The following ADHFE1 variants were observed in gnomAD, a reference collection of about 807,000 sequenced individuals.
The protein encoded by ADHFE1 is alcohol dehydrogenase iron containing 1.
A neutral mutation model predicts 54.8 loss-of-function variants in ADHFE1; 37 were observed. The observed-to-expected ratio is 0.68, with a 90% CI of 0.52 to 0.89. The LOEUF is 0.89. ADHFE1 is among the 40% of genes least tolerant of loss of function. The probability of loss-of-function intolerance (pLI) is 0.00; values close to 1 mark genes in which losing one functional copy is unlikely to be tolerated. For synonymous variants in ADHFE1, 203 were observed against 229.3 expected, an observed-to-expected ratio of 0.89 and a Z score of 1.04; for missense variants, 601 against 591.2, an observed-to-expected ratio of 1.02 and a Z score of -0.17.
At chr8:66,444,789 G>T (rs1158263349) in intron 5 of ADHFE1, 41 bp downstream of exon 5, 3 of 1,608,618 alleles carry the variant, frequency 1.9e-6, no homozygotes, top group South Asian at 2.2e-5. Flanking sequence ...ACTTTAAGCA[G>T]AAGCTAACTG....
intron 13 of ADHFE1, among the ~76,000 whole-genome samples, chr8:66,463,387 A>T (rs1216773161): frequency 1.3e-5 from 2 of 152,216 alleles, no homozygotes; most frequent in Admixed American, 6.5e-5. Context: ...GATTTTCCTC[A>T]GGCTGTATTC....
chr8:66,452,990 A>G (rs1357603718), intron 9 of ADHFE1, among the ~76,000 whole-genome samples: 2 of 152,242 alleles, frequency 1.3e-5, no homozygotes, highest in African/African-American at 4.8e-5. Flanking sequence ...CCACTGACAA[A>G]GGAGCCTTGG....
In ADHFE1 at chr8:66,444,846, A is replaced by G; in HGVS notation, c.353+98A>G. On this transcript the variant is annotated intron_variant, in intron 5 of 13. Transcript: ENST00000396623. ...CCAGGCGTGGTGGCTCACGCCTGTA[A>G]TCCCAGCACTTTGGGAGGCTGAGGC... The G allele has an allele frequency of 1.5e-5, 22 of 1,437,364 alleles. No individual in the cohort carries two copies. The South Asian group carries it at 2.6e-4, about 17-fold the overall frequency. 89.0% of individuals were successfully genotyped at this position (1,437,364 alleles called of 1,614,324 possible).
chr8:66,453,742 G>C, intron 9 of ADHFE1: 2 of 1,382,242 alleles, frequency 1.4e-6, no homozygotes, highest in Non-Finnish European at 1.9e-6. Context: ...TGAAGAAGAA[G>C]AATGAGTCTC....
In ADHFE1 at chr8:66,448,857, T is replaced by C. The variant is rs781299907; in HGVS notation, c.629-8T>C. 3 of 1,612,454 alleles carry C rather than the reference T, an allele frequency of 1.9e-6. No individual in the cohort carries two copies. Among genetic ancestry groups the C allele is most frequent in the East Asian group, 2.2e-5 (1 of 44,860 alleles). ...CTTTAGCCTCTACTGAAAATCCTTA[T>C]GTTTTAGGCATCACTTCGAGAGCCA... On this transcript the variant is annotated splice_region_variant and splice_polypyrimidine_tract_variant and intron_variant, in intron 7 of 13. Coordinates refer to ENST00000396623, the MANE Select transcript of ADHFE1 (RefSeq NM_144650.3).
At chr8:66,433,055 G>A (rs1805283662) in intron 1 of ADHFE1, among the ~76,000 whole-genome samples, 1 of 152,182 alleles carries the variant, frequency 6.6e-6, no homozygotes, top group South Asian at 2.1e-4. Flanking sequence ...GTGTAGAAGG[G>A]AAGGATGGAT....
chr8:66,444,550 G>A, intron 4 of ADHFE1, 44 bp from the exon 5 acceptor site: 1 of 1,612,152 alleles, frequency 6.2e-7, no homozygotes, highest in South Asian at 1.1e-5. Flanking sequence ...AGAGTCTATT[G>A]CAGTTCTAGT....
At chr8:66,434,453 C>T (rs893869687) in intron 1 of ADHFE1, among the ~76,000 whole-genome samples, 10 of 152,184 alleles carry the variant, frequency 6.6e-5, no homozygotes, top group African/African-American at 2.4e-4. Context: ...GGGTGAATTC[C>T]TGGGGAGCAG....
intron 12 of ADHFE1, among the ~76,000 whole-genome samples, chr8:66,458,149 A>G (rs1806693421): frequency 6.6e-6 from 1 of 152,240 alleles, no homozygotes. Flanking sequence ...AACTCTTTTA[A>G]GTAGACTTGA....
intron 2 of ADHFE1, among the ~76,000 whole-genome samples, chr8:66,441,342 C>CGTA (rs1435986993): frequency 6.6e-6 from 1 of 152,114 alleles, no homozygotes; most frequent in African/African-American, 2.4e-5. Flanking sequence ...GCTATCCTAC[C>CGTA]ACCTCAGCCT....
chr8:66,437,301 T>C (rs1010222717), intron 1 of ADHFE1, among the ~76,000 whole-genome samples: 5 of 152,168 alleles, frequency 3.3e-5, no homozygotes, highest in African/African-American at 9.7e-5. Context: ...CTGGCAGTCC[T>C]TGAGTAGATG....
chr8:66,458,594 T>TA (rs2130463086), intron 12 of ADHFE1, among the ~76,000 whole-genome samples: 1 of 152,234 alleles, frequency 6.6e-6, no homozygotes, highest in East Asian at 1.9e-4. Flanking sequence ...TTAGAGAACT[T>TA]AAAGTTAACA....
chr8:66,437,200 T>G (rs940354234), intron 1 of ADHFE1, among the ~76,000 whole-genome samples: 1 of 152,068 alleles, frequency 6.6e-6, no homozygotes, highest in African/African-American at 2.4e-5. Flanking sequence ...GAAATGTGCT[T>G]ATGAATAAGC....
intron 6 of ADHFE1, among the ~76,000 whole-genome samples, chr8:66,446,810 A>G (rs185131449): frequency 2.6e-5 from 4 of 152,366 alleles, no homozygotes; most frequent in East Asian, 1.9e-4. Flanking sequence ...TCACACATAC[A>G]TATTAAATAT....
At chr8:66,451,850 T>C (rs2465982) in intron 8 of ADHFE1, 103 bp from the exon 9 acceptor site, 777,329 of 1,378,072 alleles carry the variant, frequency 0.56, 224,506 homozygotes, top group African/African-American at 0.84. Flanking sequence ...ATATATCCAC[T>C]GTGGGTTGAG....
At chr8:66,437,765 C>T (rs1805541671) in intron 1 of ADHFE1, among the ~76,000 whole-genome samples, 1 of 152,184 alleles carries the variant, frequency 6.6e-6, no homozygotes, top group Non-Finnish European at 1.5e-5. Flanking sequence ...TCACAGTCCA[C>T]AGGCAGAAAG....
chr8:66,462,864 C>T (rs1806975988), intron 13 of ADHFE1, among the ~76,000 whole-genome samples: 1 of 152,174 alleles, frequency 6.6e-6, no homozygotes, highest in Non-Finnish European at 1.5e-5. Flanking sequence ...TCTCATTGCC[C>T]AGGCTGGAGG....
intron 5 of ADHFE1, 112 bp downstream of exon 5, chr8:66,444,860 G>T (rs1805945034): frequency 1.5e-6 from 2 of 1,322,902 alleles, no homozygotes; most frequent in Non-Finnish European, 2.1e-6. Flanking sequence ...CAGCACTTTG[G>T]GAGGCTGAGG....
In ADHFE1 at chr8:66,432,581, T is replaced by A; in HGVS notation, c.59+6T>A. The A allele has an allele frequency of 7.6e-7, 1 of 1,319,024 alleles. No homozygotes were observed. The highest frequency in any genetic ancestry group is 1.5e-5 in the African/African-American group (1 of 65,904). The allele number at this position is 1,319,024 out of a possible 1,614,324, so 81.7% of individuals were successfully genotyped here. ...AGGCAACTGCAACGCGCAGCGTGAG[T>A]GCGGGGCCGGCGGGCGGGCAGGGGA... On this transcript the variant is annotated splice_donor_region_variant and intron_variant, in intron 1 of 13. Coordinates refer to ENST00000396623, the MANE Select transcript of ADHFE1 (RefSeq NM_144650.3).
Sources: allele counts gnomAD v4.1 joint callset (sites outside exome capture counted in the v4.1 genomes callset), GRCh38; gene constraint gnomAD v4.1.1; transcripts MANE v1.5; gene names NCBI Gene and HGNC (gene_info 2026-07-23, HGNC 2026-07-21).